TFB1M: variants seen among roughly 807,000 people sequenced by gnomAD.
TFB1M encodes the protein dimethyladenosine transferase 1, mitochondrial.
In TFB1M, 27 loss-of-function variants were observed where a neutral mutation model predicts 31.1. The ratio of observed to expected loss-of-function variants is 0.87; its 90% CI spans 0.64 to 1.20. The LOEUF (loss-of-function observed/expected upper bound fraction) is 1.20. Among genes scored for constraint, TFB1M ranks in the 50% most tolerant of loss-of-function variants. The probability of loss-of-function intolerance (pLI) is 0.00; values close to 1 mark genes in which losing one functional copy is unlikely to be tolerated. For missense variants in TFB1M, 394 were observed against 418.7 expected, an observed-to-expected ratio of 0.94 and a Z score of 0.51; for synonymous variants, 166 against 151.8, an observed-to-expected ratio of 1.09 and a Z score of -0.69.
intron 5 of TFB1M, among the ~76,000 whole-genome samples, chr6:155,284,813 CA>C (rs1156515898): frequency 6.6e-6 from 1 of 152,118 alleles, no homozygotes; most frequent in African/African-American, 2.4e-5. Context: ...ACAGAAAACA[CA>C]AAAGTATTTT....
At chr6:155,250,896 C>G in the TFB1M span, 1 of 1,611,284 alleles carries the variant, frequency 6.2e-7, no homozygotes, top group Non-Finnish European at 8.5e-7. Context: ...TCCTTACCTC[C>G]TGTTTTTACA....
At chr6:155,305,235 AAATTATATATTTAT>A (rs1432655750) in intron 2 of TFB1M, among the ~76,000 whole-genome samples, 6 of 29,298 alleles carry the variant, frequency 2.0e-4, no homozygotes, top group Non-Finnish European at 3.4e-4. Context: ...TATATATATT[AAATTATATATTTAT>A]ATATATATTA....
chr6:155,310,648 C>A (rs1412960456), intron 2 of TFB1M, among the ~76,000 whole-genome samples: 1 of 152,120 alleles, frequency 6.6e-6, no homozygotes, highest in Admixed American at 6.5e-5. Flanking sequence ...TTCATTTAAA[C>A]CTCATCCTAA....
At chr6:155,291,551 TGAGA>T (rs961696565) in intron 4 of TFB1M, among the ~76,000 whole-genome samples, 5 of 152,358 alleles carry the variant, frequency 3.3e-5, no homozygotes, top group African/African-American at 1.2e-4. Context: ...CCAAGACTCC[TGAGA>T]GAAAGATTTT....
chr6:155,314,146 A>AATT (rs1778143920), intron 1 of TFB1M, 150 bp downstream of exon 1: 1 of 1,300,654 alleles, frequency 7.7e-7, no homozygotes, highest in Non-Finnish European at 9.9e-7. Context: ...GTGGGACCGG[A>AATT]GTTCTGATAC....
At chr6:155,272,778 T>C (rs1422945981) in intron 5 of TFB1M, among the ~76,000 whole-genome samples, 1 of 152,218 alleles carries the variant, frequency 6.6e-6, no homozygotes, top group Non-Finnish European at 1.5e-5. Flanking sequence ...GCTAATTAAA[T>C]GACACGTCAT....
At chr6:155,259,242 C>T (rs948290220) in intron 6 of TFB1M, among the ~76,000 whole-genome samples, 5 of 152,242 alleles carry the variant, frequency 3.3e-5, no homozygotes, top group African/African-American at 1.2e-4. Context: ...CAGCAGTGCA[C>T]AGTAGCTGGG....
At chr6:155,275,754 T>C (rs777860875) in intron 5 of TFB1M, 2 of 1,614,016 alleles carry the variant, frequency 1.2e-6, no homozygotes, top group Non-Finnish European at 1.7e-6. Context: ...CTTGCTTTCA[T>C]CCTGGCCTTA....
chr6:155,264,189 T>C (rs1193099329), intron 5 of TFB1M: 1 of 152,064 alleles, frequency 6.6e-6, no homozygotes, highest in East Asian at 1.9e-4. Flanking sequence ...ATGCTTGGTT[T>C]CCCCACCCTC....
At chr6:155,287,185 A>G (rs1378156794) in intron 4 of TFB1M, among the ~76,000 whole-genome samples, 2 of 152,138 alleles carry the variant, frequency 1.3e-5, no homozygotes, top group African/African-American at 4.8e-5. Flanking sequence ...AGATACTGCT[A>G]GTGAGAGAGG....
At chr6:155,234,736 G>T in the TFB1M span, among the ~76,000 whole-genome samples, 1 of 152,304 alleles carries the variant, frequency 6.6e-6, no homozygotes, top group African/African-American at 2.4e-5. Flanking sequence ...CATTCCTGGG[G>T]TGGGGGTGGA....
chr6:155,247,338 GTTTT>G, the TFB1M span, among the ~76,000 whole-genome samples: 1 of 151,158 alleles, frequency 6.6e-6, no homozygotes, highest in East Asian at 1.9e-4. Context: ...TTTTGATGTT[GTTTT>G]TTTTGAGATG....
chr6:155,308,564 C>A (rs982245741), intron 2 of TFB1M, among the ~76,000 whole-genome samples: 8 of 152,152 alleles, frequency 5.3e-5, no homozygotes, highest in African/African-American at 1.9e-4. Flanking sequence ...TGAAGTTAAA[C>A]CCAGGCAGTC....
downstream of TFB1M, chr6:155,254,807 C>T (rs2989459): frequency 0.34 from 168,942 of 499,702 alleles, 32,171 homozygotes; most frequent in Middle Eastern, 0.48. Context: ...TCCAAATGTA[C>T]GATTTTGTTT....
At chr6:155,265,447 T>C (rs1784585727) in intron 5 of TFB1M, among the ~76,000 whole-genome samples, 1 of 152,118 alleles carries the variant, frequency 6.6e-6, no homozygotes, top group Non-Finnish European at 1.5e-5. Flanking sequence ...CTGAAGATGC[T>C]TGGTCAGTAC....
rs138278681 is a variant in TFB1M, at chr6:155,312,223, G to A, written c.134-884C>T. On this transcript the variant is annotated intron_variant, in intron 1 of 6. Coordinates refer to ENST00000367166, the MANE Select transcript of TFB1M (RefSeq NM_016020.4). ...TGCTTGTTTTCAACAACATAACTTT[G>A]TCAGCTAAAATGCGGAAACTAGTTT... Among the ~76,000 whole-genome samples, 1,215 of 152,212 alleles carry A rather than the reference G, an allele frequency of 8.0e-3. 18 individuals carry two copies. The highest frequency in any genetic ancestry group is 0.028 in the African/African-American group (1,173 of 41,538).
the TFB1M span, among the ~76,000 whole-genome samples, chr6:155,234,004 G>A: frequency 6.9e-6 from 1 of 144,486 alleles, no homozygotes; most frequent in African/African-American, 2.6e-5. Flanking sequence ...AATTTTTTTT[G>A]GGGGGGGGTT....
At chr6:155,247,874 G>C in the TFB1M span, 40 of 1,248,226 alleles carry the variant, frequency 3.2e-5, no homozygotes, top group African/African-American at 4.5e-5. Flanking sequence ...ATGTGTTGGG[G>C]TTTTCATTAA....
In TFB1M at chr6:155,257,190, CAAAAAAAAAA is replaced by C. The variant is rs11455127; in HGVS notation, c.*636_*645del. 1.8e-6 allele frequency: 1 copy of C among 543,898 alleles called. No individual in the cohort carries two copies. Among genetic ancestry groups the C allele is most frequent in the Non-Finnish European group, 2.8e-6 (1 of 358,878 alleles). 33.7% of individuals were successfully genotyped at this position (543,898 alleles called of 1,614,324 possible). ...TAAACTGGTGGTAAAGTGGAAATTG[CAAAAAAAAAA>C]AAAAAAAAAAACTGTTCATTCCTGG... On this transcript the variant is annotated 3_prime_UTR_variant, in exon 7 of 7. Coordinates refer to ENST00000367166, the MANE Select transcript of TFB1M (RefSeq NM_016020.4).
Sources: gnomAD v4.1 joint callset for allele counts (sites outside exome capture counted in the v4.1 genomes callset) on GRCh38, gnomAD v4.1.1 for gene constraint, MANE v1.5 for transcripts, NCBI Gene and HGNC (gene_info 2026-07-23, HGNC 2026-07-21) for gene names.